Variants in SSH2 observed in about 807,000 individuals in gnomAD.
SSH2 encodes the protein slingshot protein phosphatase 2, also known as protein phosphatase Slingshot homolog 2.
A neutral mutation model predicts 135.2 loss-of-function variants in SSH2; 37 were observed. That is an observed-to-expected ratio of 0.27 (90% CI 0.21 to 0.36). The LOEUF is 0.36. Ranked by LOEUF, SSH2 falls within the 10% of genes least tolerant of loss-of-function variation. SSH2 has a pLI of 1.00. For missense variants in SSH2, 1,408 were observed against 1,765.3 expected (o/e 0.80, Z 3.63); for synonymous variants, 628 against 646.2 (o/e 0.97, Z 0.43).
intron 4 of SSH2, among the ~76,000 whole-genome samples, chr17:29,698,046 T>C (rs2038830973): frequency 6.6e-6 from 1 of 152,228 alleles, no homozygotes; most frequent in Non-Finnish European, 1.5e-5. Context: ...TACTATACCA[T>C]GGATGACCTT....
chr17:29,725,850 G>A (rs1319202408), intron 3 of SSH2, among the ~76,000 whole-genome samples: 2 of 152,106 alleles, frequency 1.3e-5, no homozygotes, highest in African/African-American at 2.4e-5. Flanking sequence ...AACCACCATG[G>A]CACATGTATA....
intron 3 of SSH2, chr17:29,777,564 C>T (rs2041730617): frequency 6.6e-6 from 1 of 152,144 alleles, no homozygotes; most frequent in Non-Finnish European, 1.5e-5. Context: ...AGAGAATCTT[C>T]CAAACACCAA....
intron 1 of SSH2, among the ~76,000 whole-genome samples, chr17:29,882,024 G>A (rs893603769): frequency 6.6e-6 from 1 of 152,166 alleles, no homozygotes; most frequent in African/African-American, 2.4e-5. Context: ...AAGTCATTTG[G>A]TTACAGAACT....
chr17:29,815,123 A>ATTTTTTTTTTTT (rs71360722), intron 2 of SSH2, among the ~76,000 whole-genome samples: 1 of 98,036 alleles, frequency 1.0e-5, no homozygotes, highest in African/African-American at 4.0e-5. Context: ...TATTTTTTGT[A>ATTTTTTTTTTTT]TTTTTTTTTT....
intron 3 of SSH2, among the ~76,000 whole-genome samples, chr17:29,743,854 C>T (rs1195656666): frequency 6.6e-6 from 1 of 150,496 alleles, no homozygotes; most frequent in Non-Finnish European, 1.5e-5. Flanking sequence ...TTTCAGTATG[C>T]CATTTTTCTT....
intron 1 of SSH2, among the ~76,000 whole-genome samples, chr17:29,910,597 C>A (rs2066748971): frequency 6.6e-6 from 1 of 152,102 alleles, no homozygotes; most frequent in Non-Finnish European, 1.5e-5. Context: ...TAAAACAGAT[C>A]ATTTGTAACT....
At chr17:29,822,915 T>C (rs1324312287) in intron 2 of SSH2, among the ~76,000 whole-genome samples, 2 of 152,176 alleles carry the variant, frequency 1.3e-5, no homozygotes, top group Non-Finnish European at 2.9e-5. Context: ...ACTGAAAATT[T>C]TGTTTACAAA....
intron 1 of SSH2, among the ~76,000 whole-genome samples, chr17:29,872,690 C>T (rs2065958294): frequency 6.6e-6 from 1 of 151,954 alleles, no homozygotes; most frequent in South Asian, 2.1e-4. Flanking sequence ...GTGGATATTC[C>T]TGGTAGTGTA....
intron 1 of SSH2, among the ~76,000 whole-genome samples, chr17:29,880,035 T>G (rs2066108366): frequency 6.6e-6 from 1 of 152,236 alleles, no homozygotes; most frequent in East Asian, 1.9e-4. Flanking sequence ...ATACACATGC[T>G]GCTAGGATGA....
intron 3 of SSH2, among the ~76,000 whole-genome samples, chr17:29,726,676 G>A (rs1292255786): frequency 6.6e-6 from 1 of 152,138 alleles, no homozygotes; most frequent in Non-Finnish European, 1.5e-5. Flanking sequence ...AGAACAATGA[G>A]AAATGTTTTG....
At chr17:29,685,783 T>A (rs1163286757) in intron 5 of SSH2, among the ~76,000 whole-genome samples, 8 of 149,094 alleles carry the variant, frequency 5.4e-5, no homozygotes, top group Non-Finnish European at 1.0e-4. Flanking sequence ...AGTGAGACTC[T>A]GGTTCAAAAA....
At chr17:29,721,799 G>A (rs1334307585) in intron 3 of SSH2, among the ~76,000 whole-genome samples, 3 of 152,180 alleles carry the variant, frequency 2.0e-5, no homozygotes, top group African/African-American at 7.2e-5. Flanking sequence ...GACAAAGGGT[G>A]AGACATAACA....
At chr17:29,832,332 A>C (rs1312721153) in intron 2 of SSH2, among the ~76,000 whole-genome samples, 1 of 152,082 alleles carries the variant, frequency 6.6e-6, no homozygotes, top group Non-Finnish European at 1.5e-5. Flanking sequence ...GAGTCTCCCT[A>C]TGCTGCTTAG....
chr17:29,635,852 G>C lies in SSH2; in HGVS notation c.2262+116C>G, dbSNP rs2035894597. On this transcript the variant is annotated intron_variant, in intron 15 of 15. Coordinates refer to ENST00000540801, the MANE Select transcript of SSH2 (RefSeq NM_001282129.2). ...TATTTAAAAAATATTTAAACCCTAA[G>C]TTTTCAAAGAAAACCTCAGCCAGAC... is the stretch of plus-strand genomic sequence containing the variant. 4 of 869,342 alleles carry C rather than the reference G, an allele frequency of 4.6e-6. No individual in the cohort carries two copies. The Admixed American group carries it at 9.4e-5, about 20-fold the overall frequency. 53.9% of individuals were successfully genotyped at this position (869,342 alleles called of 1,614,324 possible).
Position 29,631,226 on chromosome 17 carries a change from T to C in SSH2, c.3968A>G (p.Asp1323Gly). ...LKLLQPFLRT[D>G]SGMHAMEDQE... ...GTCCTCCATCGCGTGCATGCCTGAG[T>C]CTGTTCTGAGGAAAGGCTGAAGCAG... The change falls in exon 16 of 16, where the codon GAC becomes GGC. Residue 1323 changes from aspartate (D) to glycine (G), a missense_variant. Physicochemically the swap from Asp to Gly is moderately conservative, Grantham distance 94. Coordinates refer to ENST00000540801, the MANE Select transcript of SSH2 (RefSeq NM_001282129.2). 6.2e-7 allele frequency: 1 copy of C among 1,614,046 alleles called. No individual in the cohort carries two copies. Among genetic ancestry groups the C allele is most frequent in the South Asian group, 1.1e-5 (1 of 91,080 alleles).
At chr17:29,637,658 T>C (rs537322742) in intron 14 of SSH2, among the ~76,000 whole-genome samples, 154 of 151,866 alleles carry the variant, frequency 1.0e-3, no homozygotes, top group South Asian at 4.0e-3. Context: ...GGCGTATGAC[T>C]GTAGTCTTAG....
intron 1 of SSH2, among the ~76,000 whole-genome samples, chr17:29,873,508 G>A (rs2065974270): frequency 6.6e-6 from 1 of 151,806 alleles, no homozygotes; most frequent in African/African-American, 2.4e-5. Context: ...GCAATGACCT[G>A]AGCTCGCCCT....
At chr17:29,903,250 T>TATATATTTAAAATATAATTTCAAA (rs2066593889) in intron 1 of SSH2, among the ~76,000 whole-genome samples, 1 of 147,968 alleles carries the variant, frequency 6.8e-6, no homozygotes, top group East Asian at 1.9e-4. Context: ...AAAATATATT[T>TATATATTTAAAATATAATTTCAAA]ATATATTTAA....
chr17:29,852,630 C>T (rs2065583870), intron 1 of SSH2, among the ~76,000 whole-genome samples: 1 of 151,556 alleles, frequency 6.6e-6, no homozygotes, highest in Non-Finnish European at 1.5e-5. Context: ...TTGCTCTCTG[C>T]AACCTCCGCC....
Sources: allele counts gnomAD v4.1 joint callset (sites outside exome capture counted in the v4.1 genomes callset), GRCh38; gene constraint gnomAD v4.1.1; transcripts MANE v1.5; gene names NCBI Gene and HGNC (gene_info 2026-07-23, HGNC 2026-07-21).